Variants in HSP90B1 observed in about 807,000 individuals in gnomAD.
HSP90B1 encodes the protein heat shock protein 90 beta family member 1.
A neutral mutation model predicts 100.4 loss-of-function variants in HSP90B1; 27 were observed. That is an observed-to-expected ratio of 0.27 (90% CI 0.20 to 0.37). The LOEUF (loss-of-function observed/expected upper bound fraction) is 0.37. Among genes scored for constraint, HSP90B1 ranks in the 10% least tolerant of loss-of-function variants. The pLI is 1.00. For synonymous variants in HSP90B1, 304 were observed against 330.8 expected, an observed-to-expected ratio of 0.92 and a Z score of 0.88; for missense variants, 678 against 960.5, an observed-to-expected ratio of 0.71 and a Z score of 3.89.
In HSP90B1 at chr12:103,932,350, T is replaced by G; in HGVS notation, c.226T>G (p.Phe76Val). The change falls in exon 3 of 18, where the codon TTT becomes GTT. Residue 76 changes from phenylalanine to valine, a missense_variant. By Grantham distance (50) the Phe-to-Val change is conservative. Transcript: ENST00000299767. The part of the protein sequence containing the change: ...IRELREKSEK[F>V]AFQAEVNRMM... ...AGAACTTAGAGAGAAGTCGGAAAAGTTTGCCTTCCAAGCCGAAGTTAACAG... is the reference window on the plus strand; with the variant it reads ...AGAACTTAGAGAGAAGTCGGAAAAGGTTGCCTTCCAAGCCGAAGTTAACAG... The G allele has an allele frequency of 6.2e-7, 1 of 1,613,368 alleles. No homozygotes were observed. The highest frequency in any genetic ancestry group is 8.5e-7 in the Non-Finnish European group (1 of 1,179,546).
Position 103,930,421 on chromosome 12 carries a change from C to G in HSP90B1, c.-95C>G. The G allele has an allele frequency of 8.6e-7, 1 of 1,168,404 alleles. No homozygotes were observed. The highest frequency in any genetic ancestry group is 1.2e-6 in the Non-Finnish European group (1 of 841,400). The allele number at this position is 1,168,404 out of a possible 1,614,324, so 72.4% of individuals were successfully genotyped here. A position where few individuals can be genotyped will look rare whatever the true frequency, so the allele number is the denominator to read the frequency against. On this transcript the variant is annotated 5_prime_UTR_variant, in exon 1 of 18. Coordinates refer to ENST00000299767, the MANE Select transcript of HSP90B1 (RefSeq NM_003299.3). The surrounding 1 kb of genome is among the most constrained non-coding windows in gnomAD (Gnocchi z 4.4). ...CCTGCTTGCGGTGTAGTGGGCGGACCGCGCGGCTGGAGGTGTGAGGATCCG... is the reference window on the plus strand; with the variant it reads ...CCTGCTTGCGGTGTAGTGGGCGGACGGCGCGGCTGGAGGTGTGAGGATCCG...
rs1870205273 is a variant in HSP90B1, at chr12:103,945,727, TC to T, written c.2028-888del. 2.0e-5 allele frequency among the ~76,000 whole-genome samples: 3 copies of T among 152,156 alleles called. No homozygotes were observed. The South Asian group carries it at 6.2e-4, about 32-fold the overall frequency. On this transcript the variant is annotated intron_variant, in intron 14 of 17. Coordinates refer to ENST00000299767, the MANE Select transcript of HSP90B1 (RefSeq NM_003299.3). The stretch of plus-strand genomic sequence containing the variant: ...GGGACTCATCAGTAAATAAAATAGT[TC>T]CCTTCATTTCATTTTTCATCTAACC...
Position 103,946,806 on chromosome 12 carries a change from A to G in HSP90B1, c.2127A>G (p.Thr709=). The G allele has an allele frequency of 1.9e-6, 3 of 1,614,062 alleles. No homozygotes were observed. The highest frequency in any genetic ancestry group is 1.7e-6 in the Non-Finnish European group (2 of 1,180,010). The change falls in exon 16 of 18, where the codon ACA becomes ACG. Residue 709 remains threonine, a synonymous_variant. Transcript: ENST00000299767. ...RRIKEDEDDK[T]VLDLAVVLFE... ...TTCAGGAAGATGAAGATGATAAAACAGTTTTGGATCTTGCTGTGGTTTTGT... is the reference window on the plus strand; with the variant it reads ...TTCAGGAAGATGAAGATGATAAAACGGTTTTGGATCTTGCTGTGGTTTTGT...
Position 103,943,626 on chromosome 12 carries a change from C to A in HSP90B1, c.1891-112C>A. The A allele has an allele frequency of 9.1e-7, 1 of 1,099,742 alleles. No individual in the cohort carries two copies. The highest frequency in any genetic ancestry group is 1.3e-6 in the Non-Finnish European group (1 of 780,504). 68.1% of individuals were successfully genotyped at this position (1,099,742 alleles called of 1,614,324 possible). On this transcript the variant is annotated intron_variant, in intron 13 of 17. Transcript: ENST00000299767. The surrounding 1 kb of genome is among the most constrained non-coding windows in gnomAD (Gnocchi z 5.3). The stretch of plus-strand genomic sequence containing the variant: ...CCTTAAGAAAAGCTATTTTTATGAC[C>A]TGCTTCTGTGTTTATGATCTTAAGT...
Position 103,930,472 on chromosome 12 carries a change from G to A in HSP90B1, c.-44G>A. The A allele has an allele frequency of 1.3e-6, 2 of 1,568,500 alleles. No homozygotes were observed. Among genetic ancestry groups the A allele is most frequent in the Non-Finnish European group, 1.7e-6 (2 of 1,154,896 alleles). Reference sequence around the variant, plus strand: ...AACCCAGGGGTGGGGGGTGGAGGCGGCTCCTGCGATCGAAGGGGACTTGAG... The same window carrying A: ...AACCCAGGGGTGGGGGGTGGAGGCGACTCCTGCGATCGAAGGGGACTTGAG... On this transcript the variant is annotated 5_prime_UTR_variant, in exon 1 of 18. Coordinates refer to ENST00000299767, the MANE Select transcript of HSP90B1 (RefSeq NM_003299.3). The surrounding 1 kb of genome is among the most constrained non-coding windows in gnomAD (Gnocchi z 4.4).
In HSP90B1 at chr12:103,947,402, G is replaced by A. The variant is rs760113921; in HGVS notation, c.2354G>A (p.Gly785Glu). 5.6e-6 allele frequency: 9 copies of A among 1,611,262 alleles called. No individual in the cohort carries two copies. The highest frequency in any genetic ancestry group is 1.7e-5 in the Admixed American group (1 of 59,718). ...GACGAAGATGAAGAAATGGATGTGG[G>A]AACAGATGAAGAAGAAGAAACAGCA... ...EQDEDEEMDVGTDEEEETAKE... is the reference protein window; with the variant it reads ...EQDEDEEMDVETDEEEETAKE... Residue 785 changes from glycine (G) to glutamate (E), a missense_variant, in exon 17 of 18, where the codon GGA becomes GAA. Gly to Glu is a moderately conservative substitution (Grantham distance 98, BLOSUM62 -2). Coordinates refer to ENST00000299767, the MANE Select transcript of HSP90B1 (RefSeq NM_003299.3).
Position 103,941,889 on chromosome 12 carries a change from C to T in HSP90B1, c.1366C>T (p.Leu456=), listed in dbSNP as rs755440766. The part of the protein sequence containing the change: ...VSRETLQQHK[L]LKVIRKKLVR... The stretch of plus-strand genomic sequence containing the variant: ...CCGCGAGACTCTTCAGCAACATAAA[C>T]TGCTTAAGGTAAGTGTCTCTGGGAA... Residue 456 remains leucine, a synonymous_variant, in exon 11 of 18, where the codon CTG becomes TTG. Transcript: ENST00000299767. 2.5e-6 allele frequency: 4 copies of T among 1,612,782 alleles called. No homozygotes were observed. The highest frequency in any genetic ancestry group is 3.4e-6 in the Non-Finnish European group (4 of 1,178,824).
At chr12:103,942,468 T>G in intron 11 of HSP90B1, 59 bp from the exon 12 acceptor site, 2 of 1,521,642 alleles carry the variant, frequency 1.3e-6, no homozygotes, top group Non-Finnish European at 1.8e-6. Context: ...CTGGGTACCT[T>G]ACATTCTCAA....
At chr12:103,941,750 T>C (rs769402412) in intron 10 of HSP90B1, 44 bp downstream of exon 10, 1 of 1,601,250 alleles carries the variant, frequency 6.2e-7, no homozygotes, top group African/African-American at 1.3e-5. Context: ...GTTGTGGGGG[T>C]CTGGCAGTGT....
intron 8 of HSP90B1, among the ~76,000 whole-genome samples, chr12:103,940,432 A>C (rs1187910986): frequency 6.6e-6 from 1 of 152,096 alleles, no homozygotes; most frequent in Non-Finnish European, 1.5e-5. Context: ...ATGTTTCCCC[A>C]GCAGCATTTA....
chr12:103,941,172 A>G (rs1204020270), intron 8 of HSP90B1, among the ~76,000 whole-genome samples: 1 of 152,182 alleles, frequency 6.6e-6, no homozygotes, highest in Non-Finnish European at 1.5e-5. Context: ...ATTGACAATC[A>G]TCATCAAAAC....
intron 8 of HSP90B1, 38 bp downstream of exon 8, chr12:103,939,663 G>A (rs1162729892): frequency 3.1e-6 from 3 of 952,840 alleles, no homozygotes; most frequent in East Asian, 2.6e-5. Flanking sequence ...GGTTATTAAT[G>A]AATAGACAAA....
intron 2 of HSP90B1, 84 bp downstream of exon 2, chr12:103,931,707 A>G (rs1442418454): frequency 1.0e-6 from 1 of 967,776 alleles, no homozygotes; most frequent in Non-Finnish European, 1.6e-6. Flanking sequence ...TCTCTTCTCC[A>G]AAGGTCCAGA....
At position 103,938,473 on chromosome 12, in the gene HSP90B1, A is replaced by G. The variant is rs1219396049; in HGVS notation, c.975+14A>G. ...AAGACTAAAAAAGTAAGTCTGGTTT[A>G]TCTCCCTGCATAAGATATTGTTTAA... On this transcript the variant is annotated intron_variant, in intron 7 of 17. Transcript: ENST00000299767. 6.8e-6 allele frequency: 11 copies of G among 1,607,338 alleles called. No homozygotes were observed. Among genetic ancestry groups the G allele is most frequent in the Admixed American group, 1.7e-5 (1 of 58,792 alleles).
At position 103,934,365 on chromosome 12, in the gene HSP90B1, A is replaced by G. The variant is rs533114861; in HGVS notation, c.743+78A>G. The G allele has an allele frequency of 1.2e-5, 14 of 1,158,878 alleles. No individual in the cohort carries two copies. In the East Asian group the frequency reaches 2.9e-4, roughly 24 times the overall value. The allele number at this position is 1,158,878 out of a possible 1,614,324, so 71.8% of individuals were successfully genotyped here. A position where few individuals can be genotyped will look rare whatever the true frequency, so the allele number is the denominator to read the frequency against. ...CTCTCCAGTTCTATTCTCTGAGCAA[A>G]TGACTTATTCTGGGCCTTAATTTTC... On this transcript the variant is annotated intron_variant, in intron 5 of 17. Transcript: ENST00000299767.
intron 16 of HSP90B1, 71 bp from the exon 17 acceptor site, chr12:103,947,240 T>C: frequency 6.6e-7 from 1 of 1,507,436 alleles, no homozygotes; most frequent in Non-Finnish European, 8.9e-7. Context: ...TTAATTATGA[T>C]TTTATACATA....
intron 8 of HSP90B1, among the ~76,000 whole-genome samples, chr12:103,939,886 G>C (rs1053274912): frequency 1.3e-5 from 2 of 152,122 alleles, no homozygotes; most frequent in Non-Finnish European, 2.9e-5. Flanking sequence ...AGAGTAATTG[G>C]TTTCCAGAAC....
At chr12:103,946,754 A>G (rs1299426992) in intron 15 of HSP90B1, 32 bp from the exon 16 acceptor site, 1 of 1,613,200 alleles carries the variant, frequency 6.2e-7, no homozygotes, top group African/African-American at 1.3e-5. Context: ...GTATCTTTTA[A>G]TATTAATCTA....
chr12:103,941,275 C>T (rs1870068699), intron 8 of HSP90B1, 135 bp from the exon 9 acceptor site: 5 of 744,162 alleles, frequency 6.7e-6, no homozygotes, highest in East Asian at 5.1e-5. Context: ...TTCTCTTCCC[C>T]ACCTCCCGCC....
Sources: allele counts gnomAD v4.1 joint callset (sites outside exome capture counted in the v4.1 genomes callset), GRCh38; gene constraint gnomAD v4.1.1; non-coding constraint Gnocchi (gnomAD v3.1); transcripts MANE v1.5; gene names NCBI Gene and HGNC (gene_info 2026-07-23, HGNC 2026-07-21).